The following CBL variants were observed in gnomAD, a reference collection of about 807,000 sequenced individuals.
CBL encodes the protein Cbl proto-oncogene.
A neutral mutation model predicts 96.9 loss-of-function variants in CBL; 45 were observed. The ratio of observed to expected loss-of-function variants is 0.46; its 90% CI spans 0.37 to 0.60. The LOEUF (loss-of-function observed/expected upper bound fraction) is 0.60. Among genes scored for constraint, CBL ranks in the 20% least tolerant of loss-of-function variants. CBL has a pLI of 0.00. For synonymous variants in CBL, 420 were observed against 426.8 expected (o/e 0.98, Z 0.20); for missense variants, 1,024 against 1,143.5 (o/e 0.90, Z 1.51).
At chr11:119,253,141 A>C (rs1201052024) in intron 2 of CBL, among the ~76,000 whole-genome samples, 3 of 152,162 alleles carry the variant, frequency 2.0e-5, no homozygotes, top group Non-Finnish European at 2.9e-5. Context: ...TCTCATTTCA[A>C]GTGTTCTCAT....
rs1352871164 is a variant in CBL, at chr11:119,304,725, C to G, written c.*4944C>G. ...CACCACAACCTCTGCCTCCCAGGTT[C>G]AAGCAGTTCTCTGCCTCAACCTCCC... is the stretch of plus-strand genomic sequence containing the variant. On this transcript the variant is annotated 3_prime_UTR_variant, in exon 16 of 16. Transcript: ENST00000264033. 1 of 199,996 alleles carries G rather than the reference C, an allele frequency of 5.0e-6. No individual in the cohort carries two copies. Among genetic ancestry groups the G allele is most frequent in the African/African-American group, 2.3e-5 (1 of 43,438 alleles). 12.4% of individuals were successfully genotyped at this position (199,996 alleles called of 1,614,324 possible). A position where few individuals can be genotyped will look rare whatever the true frequency, so the allele number is the denominator to read the frequency against.
intron 2 of CBL, among the ~76,000 whole-genome samples, chr11:119,236,293 C>T (rs999229923): frequency 2.0e-5 from 3 of 151,966 alleles, no homozygotes; most frequent in East Asian, 3.9e-4. Flanking sequence ...GATTTGCCTG[C>T]TCTGGACGTT....
At chr11:119,211,275 G>A (rs1370560888) in intron 1 of CBL, among the ~76,000 whole-genome samples, 2 of 151,852 alleles carry the variant, frequency 1.3e-5, no homozygotes, top group African/African-American at 4.8e-5. Context: ...GAGAGGCTGA[G>A]GCAGGAGAAT....
intron 2 of CBL, among the ~76,000 whole-genome samples, chr11:119,267,013 A>G (rs1949807436): frequency 6.6e-6 from 1 of 152,240 alleles, no homozygotes; most frequent in South Asian, 2.1e-4. Flanking sequence ...AAATGTCTGT[A>G]TCATACCTCA....
intron 7 of CBL, 97 bp from the exon 8 acceptor site, chr11:119,278,069 A>G: frequency 8.9e-7 from 1 of 1,128,110 alleles, no homozygotes; most frequent in Non-Finnish European, 1.3e-6. Flanking sequence ...TATATAAGCA[A>G]AATTTGTATA....
intron 1 of CBL, 25 bp from the exon 2 acceptor site, chr11:119,232,423 A>T (rs371219654): frequency 1.2e-6 from 2 of 1,611,510 alleles, no homozygotes; most frequent in African/African-American, 2.7e-5. Context: ...TCCAAGTAAT[A>T]GCCCTTCTTT....
chr11:119,219,935 C>A (rs542574378), intron 1 of CBL, among the ~76,000 whole-genome samples: 1 of 150,690 alleles, frequency 6.6e-6, no homozygotes, highest in Non-Finnish European at 1.5e-5. Context: ...CTGCAACCTC[C>A]GCCTCCCGGG....
At chr11:119,272,985 T>A (rs574333504) in intron 3 of CBL, among the ~76,000 whole-genome samples, 8 of 151,972 alleles carry the variant, frequency 5.3e-5, no homozygotes, top group East Asian at 1.9e-4. Flanking sequence ...GTTTTATTTT[T>A]TTTTTTTTTT....
At position 119,285,074 on chromosome 11, in the gene CBL, G is replaced by A. The variant is rs200442365; in HGVS notation, c.1537G>A (p.Ala513Thr). The change falls in exon 10 of 16, where the codon GCT becomes ACT. Residue 513 changes from alanine to threonine, a missense_variant. Around this residue, in one of 4 missense-constraint regions of CBL, gnomAD observed 695 missense variants for 661.6 expected, o/e 1.05. Transcript: ENST00000264033. The stretch of plus-strand genomic sequence containing the variant: ...GCAGCGAGTATGTGTTCCCTCAAGT[G>A]CTTCTGCTCTTGGAACTGCTTCTAA... ...LPQRVCVPSS[A>T]SALGTASKAA... The A allele has an allele frequency of 6.2e-7, 1 of 1,614,136 alleles. No individual in the cohort carries two copies. Among genetic ancestry groups the A allele is most frequent in the Non-Finnish European group, 8.5e-7 (1 of 1,180,036 alleles).
chr11:119,290,835 A>G (rs1469599297), intron 12 of CBL, among the ~76,000 whole-genome samples: 1 of 150,742 alleles, frequency 6.6e-6, no homozygotes, highest in Admixed American at 6.6e-5. Flanking sequence ...ATGCCCAGCT[A>G]ATTTTTTATT....
At chr11:119,226,603 G>A (rs748295166) in intron 1 of CBL, among the ~76,000 whole-genome samples, 16 of 151,886 alleles carry the variant, frequency 1.1e-4, no homozygotes, top group Non-Finnish European at 2.2e-4. Context: ...GACTCCAGGT[G>A]TGTGCCACCA....
Position 119,278,829 on chromosome 11 carries a change from T to G in CBL, c.1431+116T>G, listed in dbSNP as rs147160530. 1.1e-3 allele frequency: 864 copies of G among 805,934 alleles called. 2 individuals are homozygous for G. Among genetic ancestry groups the G allele is most frequent in the East Asian group, 5.6e-3 (216 of 38,476 alleles). The allele number at this position is 805,934 out of a possible 1,614,324, so 49.9% of individuals were successfully genotyped here. A position where few individuals can be genotyped will look rare whatever the true frequency, so the allele number is the denominator to read the frequency against. The stretch of plus-strand genomic sequence containing the variant: ...AGGTAGTATTAATAGCTAATATTTA[T>G]TGAGCATTTACTATATGACAGATAT... On this transcript the variant is annotated intron_variant, in intron 9 of 15. Coordinates refer to ENST00000264033, the MANE Select transcript of CBL (RefSeq NM_005188.4).
At chr11:119,262,393 T>C (rs995570847) in intron 2 of CBL, among the ~76,000 whole-genome samples, 2 of 152,188 alleles carry the variant, frequency 1.3e-5, no homozygotes, top group African/African-American at 4.8e-5. Context: ...AGCCTGGGAT[T>C]CAGTTAGTAC....
chr11:119,252,884 GAAAAAAAAA>G (rs760152540), intron 2 of CBL, among the ~76,000 whole-genome samples: 1 of 68,586 alleles, frequency 1.5e-5, no homozygotes, highest in African/African-American at 5.0e-5. Context: ...TCCATCTCAA[GAAAAAAAAA>G]AAAAAAAGAT....
At chr11:119,267,035 T>A (rs1490683665) in intron 2 of CBL, among the ~76,000 whole-genome samples, 1 of 152,222 alleles carries the variant, frequency 6.6e-6, no homozygotes, top group Non-Finnish European at 1.5e-5. Flanking sequence ...TCTTTTTACA[T>A]GTTAAGACAG....
intron 2 of CBL, among the ~76,000 whole-genome samples, chr11:119,266,018 C>CAAAAGAA (rs1949800334): frequency 1.3e-5 from 1 of 76,038 alleles, no homozygotes; most frequent in Non-Finnish European, 2.4e-5. Context: ...GACTCCATCT[C>CAAAAGAA]AAAAAAAAAA....
chr11:119,264,807 A>G (rs939362402), intron 2 of CBL, among the ~76,000 whole-genome samples: 32 of 152,260 alleles, frequency 2.1e-4, no homozygotes, highest in African/African-American at 7.2e-4. Flanking sequence ...TCGGTCCTAC[A>G]GAAGAGTTGA....
intron 2 of CBL, among the ~76,000 whole-genome samples, chr11:119,261,157 G>A (rs779770562): frequency 3.3e-5 from 5 of 151,604 alleles, no homozygotes; most frequent in Non-Finnish European, 5.9e-5. Flanking sequence ...CAGGTGAGCC[G>A]TCTGCCTTGG....
chr11:119,256,687 T>G (rs1201639553), intron 2 of CBL, among the ~76,000 whole-genome samples: 2 of 90,154 alleles, frequency 2.2e-5, no homozygotes, highest in Admixed American at 1.1e-4. Flanking sequence ...ATGTAGTTTG[T>G]TTTTTTTTTT....
Sources: gnomAD v4.1 joint callset for allele counts (sites outside exome capture counted in the v4.1 genomes callset) on GRCh38, gnomAD v4.1.1 for gene constraint, gnomAD v4.1.1 regional missense constraint, MANE v1.5 for transcripts, NCBI Gene and HGNC (gene_info 2026-07-23, HGNC 2026-07-21) for gene names.